ABAT: variants seen among roughly 807,000 people sequenced by gnomAD.
ABAT encodes the protein 4-aminobutyrate aminotransferase, mitochondrial.
ABAT carries 45 observed loss-of-function variants against 64.6 expected under a neutral mutation model. The ratio of observed to expected loss-of-function variants is 0.70; its 90% CI spans 0.55 to 0.89. The LOEUF is 0.89. Among genes scored for constraint, ABAT ranks in the 40% least tolerant of loss-of-function variants. The pLI, the probability that ABAT is intolerant of heterozygous loss-of-function variation, is 0.00. For missense variants in ABAT, 633 were observed against 658.4 expected (o/e 0.96, Z 0.42); for synonymous variants, 297 against 250.5 (o/e 1.19, Z -1.75).
chr16:8,751,652 A>G lies in ABAT; in HGVS notation c.316+1113A>G, dbSNP rs555886417. Among the ~76,000 whole-genome samples the G allele has an allele frequency of 3.3e-5, 5 of 152,256 alleles. No homozygotes were observed. In the South Asian group the frequency reaches 1.0e-3, roughly 32 times the overall value. ...AGCTGCGAGAGGGGAGAACTCGTAT[A>G]ATCTCCTCGGAAAAGTGGCTTCCAT... On this transcript the variant is annotated intron_variant, in intron 5 of 15. Coordinates refer to ENST00000268251, the MANE Select transcript of ABAT (RefSeq NM_020686.6).
In ABAT at chr16:8,779,517, AGGCACCTTT is replaced by A; in HGVS notation, c.1309_1317del (p.Gly437_Phe439del). Reference sequence around the variant, plus strand: ...AGTTCATCAGCAGGGTGAGAGGACGAGGCACCTTTTGCTCCTTCGATACTCCCGATGATT... The same window carrying A: ...AGTTCATCAGCAGGGTGAGAGGACGATGCTCCTTCGATACTCCCGATGATT... On this transcript the variant is annotated inframe_deletion, in exon 15 of 16. Transcript: ENST00000268251. 1 of 1,614,194 alleles carries A rather than the reference AGGCACCTTT, an allele frequency of 6.2e-7. No homozygotes were observed. The highest frequency in any genetic ancestry group is 8.5e-7 in the Non-Finnish European group (1 of 1,180,032).
At chr16:8,779,990 G>GT (rs958501322) in intron 15 of ABAT, among the ~76,000 whole-genome samples, 19 of 152,218 alleles carry the variant, frequency 1.2e-4, no homozygotes, top group African/African-American at 4.6e-4. Context: ...AGCTGCAGCA[G>GT]TTGGTGAGGG....
At chr16:8,725,568 G>T (rs1489268074) in intron 1 of ABAT, among the ~76,000 whole-genome samples, 1 of 152,186 alleles carries the variant, frequency 6.6e-6, no homozygotes, top group Non-Finnish European at 1.5e-5. Context: ...TTTTATGACT[G>T]AATAATATTT....
chr16:8,770,535 G>A (rs1413338020), intron 11 of ABAT, among the ~76,000 whole-genome samples: 2 of 152,108 alleles, frequency 1.3e-5, no homozygotes, highest in Non-Finnish European at 2.9e-5. Context: ...ACCTCTCTGG[G>A]CTCAGGTGAT....
rs1206217449 is a variant in ABAT, at chr16:8,729,382, G to A, written c.-41-6317G>A. 3.3e-5 allele frequency among the ~76,000 whole-genome samples: 5 copies of A among 152,194 alleles called. 1 individual carries two copies. Among genetic ancestry groups the A allele is most frequent in the Admixed American group, 2.0e-4 (3 of 15,276 alleles). On this transcript the variant is annotated intron_variant, in intron 1 of 15. Coordinates refer to ENST00000268251, the MANE Select transcript of ABAT (RefSeq NM_020686.6). ...ACAATGCATAGAGGCAGGGGCTTTGGGGTCAGACAGTCTCAGGTAAGCCTA... is the reference window on the plus strand; with the variant it reads ...ACAATGCATAGAGGCAGGGGCTTTGAGGTCAGACAGTCTCAGGTAAGCCTA...
intron 1 of ABAT, among the ~76,000 whole-genome samples, chr16:8,682,478 C>T (rs536256735): frequency 6.6e-4 from 101 of 152,248 alleles, no homozygotes; most frequent in Admixed American, 6.5e-3. Flanking sequence ...CATCAGAATC[C>T]CCTCAAGAGC....
In ABAT at chr16:8,735,629, G is replaced by C. The variant is rs1010430718; in HGVS notation, c.-41-70G>C. 2.4e-6 allele frequency: 3 copies of C among 1,254,014 alleles called. No homozygotes were observed. In the African/African-American group the frequency reaches 4.4e-5, roughly 19 times the overall value. The allele number at this position is 1,254,014 out of a possible 1,614,324, so 77.7% of individuals were successfully genotyped here. Reference sequence around the variant, plus strand: ...TTTCTCTATTAGGTGGGAAGTGGTGGGGATGGGATCTTTGGCTGAGAGGGG... The same window carrying C: ...TTTCTCTATTAGGTGGGAAGTGGTGCGGATGGGATCTTTGGCTGAGAGGGG... On this transcript the variant is annotated intron_variant, in intron 1 of 15. Coordinates refer to ENST00000268251, the MANE Select transcript of ABAT (RefSeq NM_020686.6).
At chr16:8,708,245 T>C (rs558218633) in intron 1 of ABAT, among the ~76,000 whole-genome samples, 29 of 152,240 alleles carry the variant, frequency 1.9e-4, no homozygotes, top group Admixed American at 3.3e-4. Flanking sequence ...TCAGAGTTAG[T>C]TGCAGACTTT....
At chr16:8,731,929 C>T (rs2058732725) in intron 1 of ABAT, among the ~76,000 whole-genome samples, 1 of 152,158 alleles carries the variant, frequency 6.6e-6, no homozygotes, top group African/African-American at 2.4e-5. Flanking sequence ...TCTCAGCTCA[C>T]TGTAACCTCT....
chr16:8,720,008 TCAC>T (rs757569327), intron 1 of ABAT, among the ~76,000 whole-genome samples: 6 of 152,298 alleles, frequency 3.9e-5, no homozygotes, highest in South Asian at 2.1e-4. Flanking sequence ...AGTTGGGACT[TCAC>T]CATTTTAGCC....
chr16:8,751,583 G>T (rs1373852858), intron 5 of ABAT, among the ~76,000 whole-genome samples: 1 of 152,156 alleles, frequency 6.6e-6, no homozygotes, highest in Non-Finnish European at 1.5e-5. Context: ...TGAAGCAAAG[G>T]GCCTGGCTTT....
chr16:8,765,327 C>A (rs1273403801), intron 8 of ABAT, among the ~76,000 whole-genome samples: 3 of 140,334 alleles, frequency 2.1e-5, no homozygotes, highest in African/African-American at 8.3e-5. Flanking sequence ...CAGAGTAAGA[C>A]CCTGTCTCAA....
intron 1 of ABAT, among the ~76,000 whole-genome samples, chr16:8,698,910 C>T (rs949216556): frequency 6.6e-6 from 1 of 152,200 alleles, no homozygotes; most frequent in Non-Finnish European, 1.5e-5. Context: ...TGCGCCACTG[C>T]ACTCCAGCCT....
chr16:8,751,886 G>C (rs1206362511), intron 5 of ABAT, among the ~76,000 whole-genome samples: 1 of 152,222 alleles, frequency 6.6e-6, no homozygotes, highest in East Asian at 1.9e-4. Context: ...GGCTAAATTG[G>C]AAATGCAGGT....
At position 8,728,789 on chromosome 16, in the gene ABAT, G is replaced by T. The variant is rs2058632147; in HGVS notation, c.-41-6910G>T. ...CTCGGGAGGCTGAGGCAGGAGAATC[G>T]CTTGAACCAGGGAGTCAGAGGTTGC... On this transcript the variant is annotated intron_variant, in intron 1 of 15. Coordinates refer to ENST00000268251, the MANE Select transcript of ABAT (RefSeq NM_020686.6). Among the ~76,000 whole-genome samples, 6 of 152,186 alleles carry T rather than the reference G, an allele frequency of 3.9e-5. No homozygotes were observed. In the Middle Eastern group the frequency reaches 0.017, roughly 431 times the overall value.
chr16:8,774,125 C>T (rs899695283), intron 12 of ABAT, among the ~76,000 whole-genome samples: 9 of 152,196 alleles, frequency 5.9e-5, no homozygotes, highest in African/African-American at 1.2e-4. Flanking sequence ...GACGGGGTTT[C>T]GCCATGTTGG....
At chr16:8,746,785 T>G (rs2059344487) in intron 3 of ABAT, among the ~76,000 whole-genome samples, 2 of 151,624 alleles carry the variant, frequency 1.3e-5, no homozygotes. Flanking sequence ...ACCACAGTAA[T>G]GCTTCATAAC....
At chr16:8,706,001 TA>T (rs1465096693) in intron 1 of ABAT, among the ~76,000 whole-genome samples, 2 of 152,174 alleles carry the variant, frequency 1.3e-5, no homozygotes, top group Admixed American at 6.5e-5. Flanking sequence ...TCAGCTCCTT[TA>T]ATCTATAAAA....
intron 1 of ABAT, among the ~76,000 whole-genome samples, chr16:8,702,193 G>C (rs775090350): frequency 1.3e-5 from 2 of 152,084 alleles, no homozygotes; most frequent in Non-Finnish European, 2.9e-5. Context: ...ATCATGGCAG[G>C]AGGTGAAGGG....
Sources: allele counts gnomAD v4.1 joint callset (sites outside exome capture counted in the v4.1 genomes callset), GRCh38; gene constraint gnomAD v4.1.1; transcripts MANE v1.5; gene names NCBI Gene and HGNC (gene_info 2026-07-23, HGNC 2026-07-21).